Variants in SNX19 observed in about 807,000 individuals in gnomAD.
SNX19 encodes sorting nexin 19.
In SNX19, 60 loss-of-function variants were observed where a neutral mutation model predicts 85.2. The ratio of observed to expected loss-of-function variants is 0.70; its 90% CI spans 0.57 to 0.87. SNX19 has a LOEUF of 0.87. Ranked by LOEUF, SNX19 falls within the 40% of genes least tolerant of loss-of-function variation. The probability of loss-of-function intolerance (pLI) is 0.00; values close to 1 mark genes in which losing one functional copy is unlikely to be tolerated. For missense variants in SNX19, 1,201 were observed against 1,217.8 expected (o/e 0.99, Z 0.21); for synonymous variants, 520 against 470.0 (o/e 1.11, Z -1.38).
chr11:130,878,532 C>T lies in SNX19; in HGVS notation c.2869G>A (p.Asp957Asn), dbSNP rs760388314. Residue 957 changes from aspartate to asparagine, a missense_variant, in exon 11 of 11, where the codon GAC (aspartate) becomes AAC (asparagine). By Grantham distance (23) the Asp-to-Asn change is conservative. Around this residue, in one of 3 missense-constraint regions of SNX19, gnomAD observed 285 missense variants for 295.3 expected, o/e 0.97. Transcript: ENST00000265909. Reference sequence around the variant, plus strand: ...AGATCCAAGAATTCCAGGATGATGTCCCCAAGGCAGTAAATCAAATGCCTG... The same window carrying T: ...AGATCCAAGAATTCCAGGATGATGTTCCCAAGGCAGTAAATCAAATGCCTG... ...INRHLIYCLGDIILEFLDLSA... is the reference protein window; with the variant it reads ...INRHLIYCLGNIILEFLDLSA... 5 of 1,613,420 alleles carry T rather than the reference C, an allele frequency of 3.1e-6. No individual in the cohort carries two copies. Among genetic ancestry groups the T allele is most frequent in the African/African-American group, 1.3e-5 (1 of 74,848 alleles).
At chr11:130,910,183 C>G in intron 3 of SNX19, 46 bp from the exon 4 acceptor site, 7 of 1,613,730 alleles carry the variant, frequency 4.3e-6, no homozygotes, top group Non-Finnish European at 5.9e-6. Flanking sequence ...AATTCCAGTC[C>G]CCAAATCTCT....
intron 9 of SNX19, among the ~76,000 whole-genome samples, chr11:130,880,254 T>C (rs1943560064): frequency 6.6e-6 from 1 of 152,222 alleles, no homozygotes; most frequent in Admixed American, 6.5e-5. Flanking sequence ...TATGAATTGG[T>C]AGAGAATCTG....
Position 130,914,871 on chromosome 11 carries a change from G to A in SNX19, c.1069C>T (p.Leu357=). ...AGGGGACCTCGAACATTTGGCTGTA[G>A]GAAATGAGATGAGTTGTTTCCTACT... ...RKVGNNSSHF[L]QPNVRGPLFL... is the part of the protein sequence containing the mutation. The change falls in exon 1 of 11, where the codon CTA becomes TTA. Residue 357 remains leucine (L), a synonymous_variant. Coordinates refer to ENST00000265909, the MANE Select transcript of SNX19 (RefSeq NM_014758.3). 1.9e-6 allele frequency: 3 copies of A among 1,614,212 alleles called. No individual in the cohort carries two copies. The highest frequency in any genetic ancestry group is 2.5e-6 in the Non-Finnish European group (3 of 1,180,034).
chr11:130,905,191 C>T (rs1051387492), intron 7 of SNX19, among the ~76,000 whole-genome samples: 1 of 152,102 alleles, frequency 6.6e-6, no homozygotes, highest in African/African-American at 2.4e-5. Context: ...ACAGAGTACA[C>T]ATCTGCTCTT....
chr11:130,905,321 G>C (rs1050034228), intron 7 of SNX19, among the ~76,000 whole-genome samples: 3 of 150,680 alleles, frequency 2.0e-5, no homozygotes, highest in African/African-American at 7.3e-5. Flanking sequence ...TGCCATGGCA[G>C]TAAATAAAGA....
At chr11:130,883,504 G>A (rs1033339407) in intron 8 of SNX19, among the ~76,000 whole-genome samples, 17 of 152,350 alleles carry the variant, frequency 1.1e-4, no homozygotes, top group African/African-American at 4.1e-4. Context: ...GAGGGACAGA[G>A]TTTGGAAAGT....
chr11:130,915,378 G>T lies in SNX19; in HGVS notation c.562C>A (p.Leu188Ile). ...GTCGCCCGGCAGTAAGCCTCCCAGA[G>T]GTGGGAAGGCTCAACTGGACCATTC... ...GKNGPVEPSH[L>I]WEAYCRATAP... Residue 188 changes from leucine (L) to isoleucine (I), a missense_variant, in exon 1 of 11, where the codon CTC becomes ATC. By Grantham distance (5) the Leu-to-Ile change is conservative (BLOSUM62 2). Coordinates refer to ENST00000265909, the MANE Select transcript of SNX19 (RefSeq NM_014758.3). 2 of 1,614,094 alleles carry T rather than the reference G, an allele frequency of 1.2e-6. No individual in the cohort carries two copies. The highest frequency in any genetic ancestry group is 1.7e-6 in the Non-Finnish European group (2 of 1,180,048).
Position 130,910,374 on chromosome 11 carries a change from C to CAAAAAAAAAA in SNX19, c.1814-5_1814-4insTTTTTTTTTT. ...AGCTTTTTAGGACCCTTCACATCTT[C>CAAAAAAAAAA]CAAAAAAAAAAAAAATCAAAATATT... On this transcript the variant is annotated splice_region_variant and splice_polypyrimidine_tract_variant and intron_variant, in intron 2 of 10. Transcript: ENST00000265909. 1 of 881,096 alleles carries CAAAAAAAAAA rather than the reference C, an allele frequency of 1.1e-6. No individual in the cohort carries two copies. The highest frequency in any genetic ancestry group is 1.5e-6 in the Non-Finnish European group (1 of 662,428). 54.6% of individuals were successfully genotyped at this position (881,096 alleles called of 1,614,324 possible). A position where few individuals can be genotyped will look rare whatever the true frequency, so the allele number is the denominator to read the frequency against.
At chr11:130,891,333 G>A (rs1592307217) in intron 8 of SNX19, among the ~76,000 whole-genome samples, 1 of 150,618 alleles carries the variant, frequency 6.6e-6, no homozygotes, top group African/African-American at 2.4e-5. Context: ...AATAATCCAT[G>A]AAATGGGCAT....
rs1332573223 is a variant in SNX19, at chr11:130,874,020, T to C, written c.*4402A>G. On this transcript the variant is annotated 3_prime_UTR_variant, in exon 11 of 11. Coordinates refer to ENST00000265909, the MANE Select transcript of SNX19 (RefSeq NM_014758.3). The stretch of plus-strand genomic sequence containing the variant: ...GTTCTAGCCAATGAGTCATAAGAGG[T>C]TTTTTGTTTTTTTTTTTTTTATTTG... Among the ~76,000 whole-genome samples, 3 of 119,610 alleles carry C rather than the reference T, an allele frequency of 2.5e-5. No individual in the cohort carries two copies. Among genetic ancestry groups the C allele is most frequent in the African/African-American group, 8.7e-5 (3 of 34,518 alleles). 78.5% of individuals were successfully genotyped at this position (119,610 alleles called of 152,430 possible).
At chr11:130,908,879 T>C (rs1945870477) in intron 4 of SNX19, among the ~76,000 whole-genome samples, 1 of 152,260 alleles carries the variant, frequency 6.6e-6, no homozygotes, top group African/African-American at 2.4e-5. Flanking sequence ...TAACTAACAC[T>C]GCTGGCTCAG....
At chr11:130,911,235 AT>A (rs11361626) in intron 2 of SNX19, among the ~76,000 whole-genome samples, 149,899 of 149,902 alleles carry the variant, frequency 1, 74,949 homozygotes, top group Non-Finnish European at 1. Flanking sequence ...GAGAGTTGTC[AT>A]AACAGCACAC....
Position 130,867,747 on chromosome 11 carries a change from A to G in SNX19, c.*10675T>C, listed in dbSNP as rs1942830601. The G allele has an allele frequency of 1.3e-5, 2 of 152,186 alleles. No homozygotes were observed. The highest frequency in any genetic ancestry group is 4.8e-5 in the African/African-American group (2 of 41,450). 9.4% of individuals were successfully genotyped at this position (152,186 alleles called of 1,614,324 possible). ...TTCCGGAATCTGGCCATGTGCTAAG[A>G]GACAGCTTCTGCTCCCTATCTGATA... On this transcript the variant is annotated 3_prime_UTR_variant, in exon 11 of 11. Coordinates refer to ENST00000265909, the MANE Select transcript of SNX19 (RefSeq NM_014758.3).
chr11:130,890,323 C>T (rs1023854646), intron 8 of SNX19, among the ~76,000 whole-genome samples: 3 of 152,166 alleles, frequency 2.0e-5, no homozygotes, highest in African/African-American at 7.2e-5. Context: ...TGCCTCATCA[C>T]CTTTTCTATC....
At chr11:130,909,698 G>C (rs960215107) in intron 4 of SNX19, among the ~76,000 whole-genome samples, 1 of 152,140 alleles carries the variant, frequency 6.6e-6, no homozygotes, top group Admixed American at 6.5e-5. Flanking sequence ...CCTCATGCCA[G>C]CTATCTGTGA....
chr11:130,895,102 C>G, intron 8 of SNX19: 1 of 985,386 alleles, frequency 1.0e-6, no homozygotes, highest in South Asian at 4.7e-5. Flanking sequence ...CCAGAGAGGG[C>G]AGGCTCGGTG....
Position 130,908,086 on chromosome 11 carries a change from GCAGGGGT to G in SNX19, c.2035-10_2035-4del. ...TCCACAATGGCACTCACCACCATCTGCAGGGGTCAGAGGTGCAGGGTCAGTCCATCCA... is the reference window on the plus strand; with the variant it reads ...TCCACAATGGCACTCACCACCATCTGCAGAGGTGCAGGGTCAGTCCATCCA... On this transcript the variant is annotated splice_region_variant and splice_polypyrimidine_tract_variant and intron_variant, in intron 4 of 10. Coordinates refer to ENST00000265909, the MANE Select transcript of SNX19 (RefSeq NM_014758.3). 6.2e-7 allele frequency: 1 copy of G among 1,613,876 alleles called. No homozygotes were observed. The highest frequency in any genetic ancestry group is 8.5e-7 in the Non-Finnish European group (1 of 1,179,894).
rs540292336 is a variant in SNX19 at position 130,894,716 on chromosome 11, A to G, written c.2573+8539T>C. On this transcript the variant is annotated intron_variant, in intron 8 of 10. Coordinates refer to ENST00000265909, the MANE Select transcript of SNX19 (RefSeq NM_014758.3). ...ACACACATTCAGAAAGAAGCTGGCT[A>G]AAAATATTCCAGGTTGCTTTTTATT... The G allele has an allele frequency of 3.1e-5, 31 of 985,466 alleles. No individual in the cohort carries two copies. In the South Asian group the frequency reaches 1.3e-3, roughly 42 times the overall value. 61.0% of individuals were successfully genotyped at this position (985,466 alleles called of 1,614,324 possible).
Position 130,875,813 on chromosome 11 carries a change from T to G in SNX19, c.*2609A>C, listed in dbSNP as rs1943218586. 1 of 152,190 alleles carries G rather than the reference T, an allele frequency of 6.6e-6. No homozygotes were observed. Among genetic ancestry groups the G allele is most frequent in the Admixed American group, 6.5e-5 (1 of 15,278 alleles). 9.4% of individuals were successfully genotyped at this position (152,190 alleles called of 1,614,324 possible). A position where few individuals can be genotyped will look rare whatever the true frequency, so the allele number is the denominator to read the frequency against. On this transcript the variant is annotated 3_prime_UTR_variant, in exon 11 of 11. Coordinates refer to ENST00000265909, the MANE Select transcript of SNX19 (RefSeq NM_014758.3). ...ACATATGCAACAAACCTGCATGTTG[T>G]GCACATGTTCCCTAGAACTTAATGT... is the stretch of plus-strand genomic sequence containing the variant.
Sources: gnomAD v4.1 joint callset for allele counts (sites outside exome capture counted in the v4.1 genomes callset) on GRCh38, gnomAD v4.1.1 for gene constraint, gnomAD v4.1.1 regional missense constraint, MANE v1.5 for transcripts, NCBI Gene and HGNC (gene_info 2026-07-23, HGNC 2026-07-21) for gene names.